Variants in GRID2 observed in about 807,000 individuals in gnomAD.
GRID2 encodes glutamate ionotropic receptor delta type subunit 2.
In GRID2, 33 loss-of-function variants were observed where a neutral mutation model predicts 114.8. The ratio of observed to expected loss-of-function variants is 0.29; its 90% confidence interval spans 0.22 to 0.38. The LOEUF (loss-of-function observed/expected upper bound fraction) is 0.38, where lower values mean the gene tolerates loss of function less well. GRID2 is among the 10% of genes least tolerant of loss of function. The pLI is 1.00. For missense variants in GRID2, 1,184 were observed against 1,257.7 expected (o/e 0.94, Z 0.89); for synonymous variants, 505 against 449.9 (o/e 1.12, Z -1.55).
intron 2 of GRID2, among the ~76,000 whole-genome samples, chr4:92,897,475 A>G (rs1183096299): frequency 1.3e-5 from 2 of 152,056 alleles, no homozygotes; most frequent in Non-Finnish European, 2.9e-5. Context: ...TTTTTAAGTC[A>G]ACATCTATTT....
At chr4:92,887,115 T>C (rs896375109) in intron 2 of GRID2, among the ~76,000 whole-genome samples, 2 of 152,208 alleles carry the variant, frequency 1.3e-5, no homozygotes, top group Non-Finnish European at 2.9e-5. Flanking sequence ...GTTTTGTTTT[T>C]TTGTTCATAT....
rs190258865 is a variant in GRID2 at position 92,339,736 on chromosome 4, T to C, written c.88+34992T>C. 2.3e-3 allele frequency among the ~76,000 whole-genome samples: 352 copies of C among 152,334 alleles called. 1 individual carries two copies. Among genetic ancestry groups the C allele is most frequent in the South Asian group, 0.012 (56 of 4,828 alleles). On this transcript the variant is annotated intron_variant, in intron 1 of 15. Transcript: ENST00000282020. ...TATTATTCTGTTTATTTCACTGTTATGGATCCTACTGAATCTAGACTGCAC... is the reference window on the plus strand; with the variant it reads ...TATTATTCTGTTTATTTCACTGTTACGGATCCTACTGAATCTAGACTGCAC...
At chr4:92,833,334 G>T (rs926562756) in intron 2 of GRID2, among the ~76,000 whole-genome samples, 1 of 152,158 alleles carries the variant, frequency 6.6e-6, no homozygotes, top group African/African-American at 2.4e-5. Flanking sequence ...ACAAGACTCT[G>T]GGATGTACTG....
chr4:93,573,976 A>C (rs150993820), intron 13 of GRID2, among the ~76,000 whole-genome samples: 1 of 152,212 alleles, frequency 6.6e-6, no homozygotes, highest in Non-Finnish European at 1.5e-5. Context: ...AATTAGAGAA[A>C]TCATGGGCAA....
intron 3 of GRID2, 81 bp from the exon 4 acceptor site, chr4:93,110,667 T>G (rs1017675124): frequency 3.3e-6 from 3 of 911,060 alleles, no homozygotes; most frequent in Non-Finnish European, 5.4e-6. Flanking sequence ...CAATAATCTA[T>G]TCTGATATAG....
chr4:92,537,784 GGTGTGTGTGT>G lies in GRID2; in HGVS notation c.89-52310_89-52301del, dbSNP rs70942907. ...AGTGATCTGCTTTCCAAAAACTTGCGGTGTGTGTGTGTGTGTGTGTGTGTGTGTGTGTGTG... is the reference window on the plus strand; with the variant it reads ...AGTGATCTGCTTTCCAAAAACTTGCGGTGTGTGTGTGTGTGTGTGTGTGTG... On this transcript the variant is annotated intron_variant, in intron 1 of 15. Coordinates refer to ENST00000282020, the MANE Select transcript of GRID2 (RefSeq NM_001510.4). 3.1e-3 allele frequency among the ~76,000 whole-genome samples: 386 copies of G among 126,006 alleles called. 4 individuals carry two copies. The highest frequency in any genetic ancestry group is 9.1e-3 in the Middle Eastern group (2 of 220). The allele number at this position is 126,006 out of a possible 152,430, so 82.7% of individuals were successfully genotyped here. A position where few individuals can be genotyped will look rare whatever the true frequency, so the allele number is the denominator to read the frequency against.
intron 1 of GRID2, among the ~76,000 whole-genome samples, chr4:92,363,978 C>G (rs939324175): frequency 2.0e-5 from 3 of 151,774 alleles, no homozygotes; most frequent in African/African-American, 4.8e-5. Context: ...CGCCACTATG[C>G]CCAGCTAAGT....
At chr4:93,594,446 G>A (rs1264258897) in intron 13 of GRID2, among the ~76,000 whole-genome samples, 3 of 152,172 alleles carry the variant, frequency 2.0e-5, no homozygotes, top group African/African-American at 7.2e-5. Flanking sequence ...GAGAACCACT[G>A]CTCTCTTCAA....
At chr4:93,118,011 T>C (rs1428510749) in intron 4 of GRID2, among the ~76,000 whole-genome samples, 2 of 152,242 alleles carry the variant, frequency 1.3e-5, no homozygotes, top group East Asian at 3.9e-4. Context: ...TCCTCTATGT[T>C]CCCATATTTT....
chr4:92,665,591 G>A (rs1732731184), intron 2 of GRID2, among the ~76,000 whole-genome samples: 1 of 150,734 alleles, frequency 6.6e-6, no homozygotes, highest in Admixed American at 6.6e-5. Flanking sequence ...GTGTTTTTTA[G>A]CATTTCTTTC....
intron 14 of GRID2, among the ~76,000 whole-genome samples, chr4:93,676,279 T>A (rs1724846363): frequency 6.6e-6 from 1 of 152,230 alleles, no homozygotes; most frequent in Admixed American, 6.5e-5. Context: ...AGATTTAAAA[T>A]TCTTAAATGT....
intron 1 of GRID2, among the ~76,000 whole-genome samples, chr4:92,552,362 T>C (rs1041547018): frequency 2.0e-5 from 3 of 152,114 alleles, no homozygotes; most frequent in African/African-American, 7.2e-5. Context: ...TATCTTAATT[T>C]AATAATAAGC....
At chr4:92,970,698 CA>C (rs1753451569) in intron 2 of GRID2, among the ~76,000 whole-genome samples, 1 of 151,676 alleles carries the variant, frequency 6.6e-6, no homozygotes, top group African/African-American at 2.4e-5. Context: ...TGTTAAATTC[CA>C]TTAGTGCACT....
At chr4:93,419,758 GT>G (rs779906921) in intron 9 of GRID2, among the ~76,000 whole-genome samples, 47 of 152,138 alleles carry the variant, frequency 3.1e-4, no homozygotes, top group Admixed American at 5.9e-4. Flanking sequence ...CAAGGGATCT[GT>G]TTGCCTAGAG....
chr4:92,864,326 C>T (rs1744721928), intron 2 of GRID2, among the ~76,000 whole-genome samples: 1 of 152,192 alleles, frequency 6.6e-6, no homozygotes, highest in Non-Finnish European at 1.5e-5. Context: ...CATATGCTGA[C>T]ACTTCGTTAC....
At chr4:93,556,788 A>G (rs1312685139) in intron 13 of GRID2, among the ~76,000 whole-genome samples, 1 of 152,152 alleles carries the variant, frequency 6.6e-6, no homozygotes, top group Non-Finnish European at 1.5e-5. Flanking sequence ...CCCAAGACAC[A>G]TACTCATGAG....
At chr4:92,917,527 T>A (rs1356070328) in intron 2 of GRID2, among the ~76,000 whole-genome samples, 1 of 152,212 alleles carries the variant, frequency 6.6e-6, no homozygotes, top group Non-Finnish European at 1.5e-5. Flanking sequence ...GATCTTGAAT[T>A]AATTTTTGTA....
In GRID2 at chr4:93,230,371, C is replaced by T. The variant is rs150355780; in HGVS notation, c.1125+5596C>T. On this transcript the variant is annotated intron_variant, in intron 7 of 15. Coordinates refer to ENST00000282020, the MANE Select transcript of GRID2 (RefSeq NM_001510.4). Reference sequence around the variant, plus strand: ...TAATCACTCCAATTCTAATACTTTACGTATTGGCATAGACTTAAAAAGCAG... The same window carrying T: ...TAATCACTCCAATTCTAATACTTTATGTATTGGCATAGACTTAAAAAGCAG... Among the ~76,000 whole-genome samples the T allele has an allele frequency of 5.0e-3, 756 of 152,084 alleles. 7 individuals carry two copies. The highest frequency in any genetic ancestry group is 0.018 in the African/African-American group (728 of 41,500).
intron 8 of GRID2, chr4:93,282,282 C>A: frequency 3.0e-6 from 1 of 334,344 alleles, no homozygotes; most frequent in South Asian, 2.4e-5. Context: ...GTAGTAAAAA[C>A]AATTAAAAGT....
Sources: allele counts gnomAD v4.1 joint callset (sites outside exome capture counted in the v4.1 genomes callset), GRCh38; gene constraint gnomAD v4.1.1; transcripts MANE v1.5; gene names NCBI Gene and HGNC (gene_info 2026-07-23, HGNC 2026-07-21).